The following RIPOR2 variants were observed in gnomAD, a reference collection of about 807,000 sequenced individuals.
The protein encoded by RIPOR2 is RHO family interacting cell polarization regulator 2.
In RIPOR2, 39 loss-of-function variants were observed where a neutral mutation model predicts 114.5. The ratio of observed to expected loss-of-function variants is 0.34; its 90% CI spans 0.26 to 0.44. RIPOR2 has a LOEUF of 0.44. Among genes scored for constraint, RIPOR2 ranks in the 20% least tolerant of loss-of-function variants. The probability of loss-of-function intolerance (pLI) is 1.00; values close to 1 mark genes in which losing one functional copy is unlikely to be tolerated. For missense variants in RIPOR2, 1,007 were observed against 1,255.1 expected, an observed-to-expected ratio of 0.80 and a Z score of 2.99; for synonymous variants, 445 against 484.4, an observed-to-expected ratio of 0.92 and a Z score of 1.07.
At chr6:25,028,634 T>C (rs1488480026) in intron 1 of RIPOR2, among the ~76,000 whole-genome samples, 2 of 152,240 alleles carry the variant, frequency 1.3e-5, no homozygotes, top group African/African-American at 4.8e-5. Flanking sequence ...ATGACAGATG[T>C]ACTGTCTTAC....
At chr6:24,828,961 AG>A (rs1198270041) in intron 17 of RIPOR2, among the ~76,000 whole-genome samples, 15 of 152,140 alleles carry the variant, frequency 9.9e-5, no homozygotes, top group Admixed American at 8.5e-4. Flanking sequence ...TACACAACAA[AG>A]TATCTGTGAG....
intron 1 of RIPOR2, among the ~76,000 whole-genome samples, chr6:25,034,030 T>G (rs1284101474): frequency 1.3e-5 from 2 of 151,908 alleles, no homozygotes; most frequent in African/African-American, 4.8e-5. Context: ...ACTTGTTTAT[T>G]TAATTTTATT....
intron 21 of RIPOR2, among the ~76,000 whole-genome samples, chr6:24,807,737 T>G (rs1243326714): frequency 1.3e-5 from 2 of 152,208 alleles, no homozygotes; most frequent in Non-Finnish European, 2.9e-5. Context: ...TGGAGGGATC[T>G]GTTGGACAGC....
At chr6:25,023,854 G>A (rs993692422) in intron 1 of RIPOR2, 2 of 730,448 alleles carry the variant, frequency 2.7e-6, no homozygotes, top group African/African-American at 1.7e-5. Flanking sequence ...GGCTTTGACC[G>A]GTTCCTAGGT....
At chr6:24,917,639 C>A (rs1270103200) in intron 1 of RIPOR2, among the ~76,000 whole-genome samples, 1 of 152,152 alleles carries the variant, frequency 6.6e-6, no homozygotes, top group African/African-American at 2.4e-5. Context: ...AAGTGATTCT[C>A]CTGCCTCAGC....
intron 1 of RIPOR2, among the ~76,000 whole-genome samples, chr6:25,027,397 A>G (rs1443994766): frequency 1.3e-5 from 2 of 152,218 alleles, no homozygotes; most frequent in African/African-American, 4.8e-5. Context: ...CTGCGAAAGA[A>G]AAGTCTACGA....
chr6:24,931,252 AG>A (rs1476386424), intron 1 of RIPOR2, among the ~76,000 whole-genome samples: 1 of 152,208 alleles, frequency 6.6e-6, no homozygotes, highest in Non-Finnish European at 1.5e-5. Context: ...CTACATGGAA[AG>A]ACAAAAAAAA....
At chr6:24,952,540 C>G (rs1350152654) in intron 1 of RIPOR2, among the ~76,000 whole-genome samples, 2 of 152,178 alleles carry the variant, frequency 1.3e-5, no homozygotes, top group East Asian at 3.8e-4. Context: ...CAGTAGCACA[C>G]CATTTCCACC....
chr6:24,840,727 T>C, intron 13 of RIPOR2: 1 of 1,535,458 alleles, frequency 6.5e-7, no homozygotes, highest in Non-Finnish European at 8.7e-7. Context: ...GTGATCTCCG[T>C]CCAAGAGGCA....
intron 1 of RIPOR2, among the ~76,000 whole-genome samples, chr6:24,960,385 C>A (rs554014486): frequency 4.1e-4 from 62 of 152,334 alleles, no homozygotes; most frequent in Non-Finnish European, 7.4e-4. Flanking sequence ...TAGGCTAATT[C>A]TCTCCAGCCC....
chr6:24,958,413 A>G (rs189187605), intron 1 of RIPOR2, among the ~76,000 whole-genome samples: 140 of 152,342 alleles, frequency 9.2e-4, no homozygotes, highest in African/African-American at 3.2e-3. Flanking sequence ...GGAAGTTAAA[A>G]TAAACCTCTC....
chr6:25,013,568 C>G (rs1449089998), intron 1 of RIPOR2, among the ~76,000 whole-genome samples: 1 of 152,202 alleles, frequency 6.6e-6, no homozygotes, highest in Non-Finnish European at 1.5e-5. Context: ...AGACACTGAA[C>G]ACCTGAATTT....
intron 1 of RIPOR2, among the ~76,000 whole-genome samples, chr6:24,990,137 T>C (rs2113614488): frequency 6.6e-6 from 1 of 152,316 alleles, no homozygotes; most frequent in East Asian, 1.9e-4. Flanking sequence ...TCACTTTCAG[T>C]TCCTGGACAT....
intron 1 of RIPOR2, among the ~76,000 whole-genome samples, chr6:24,906,391 G>A (rs1439199997): frequency 2.6e-5 from 4 of 152,100 alleles, no homozygotes; most frequent in Non-Finnish European, 5.9e-5. Context: ...TCTTAGAATA[G>A]GCACATGAAT....
intron 1 of RIPOR2, among the ~76,000 whole-genome samples, chr6:24,878,192 T>C (rs1765989262): frequency 6.6e-6 from 1 of 152,242 alleles, no homozygotes; most frequent in African/African-American, 2.4e-5. Flanking sequence ...GGGTTCACTA[T>C]ATTTAACAAT....
At chr6:25,009,236 C>A (rs1480393897) in intron 1 of RIPOR2, among the ~76,000 whole-genome samples, 1 of 152,230 alleles carries the variant, frequency 6.6e-6, no homozygotes, top group African/African-American at 2.4e-5. Context: ...AGACCTGCTT[C>A]TGTAAGCAGG....
intron 1 of RIPOR2, among the ~76,000 whole-genome samples, chr6:24,916,651 C>T (rs923067619): frequency 5.3e-5 from 8 of 152,176 alleles, no homozygotes; most frequent in African/African-American, 1.7e-4. Context: ...TCTTGCTCAC[C>T]GCTTTCTGAA....
intron 17 of RIPOR2, among the ~76,000 whole-genome samples, chr6:24,830,027 G>A (rs1439353087): frequency 6.6e-6 from 1 of 152,128 alleles, no homozygotes; most frequent in South Asian, 2.1e-4. Context: ...ATGCAGTGGC[G>A]TGATCTCAGC....
At chr6:24,861,341 A>C (rs1289491950) in intron 7 of RIPOR2, among the ~76,000 whole-genome samples, 1 of 152,234 alleles carries the variant, frequency 6.6e-6, no homozygotes, top group Non-Finnish European at 1.5e-5. Flanking sequence ...GCAGTATCAT[A>C]GGGGAAAAAA....
Sources: gnomAD v4.1 joint callset for allele counts (sites outside exome capture counted in the v4.1 genomes callset) on GRCh38, gnomAD v4.1.1 for gene constraint, MANE v1.5 for transcripts, NCBI Gene and HGNC (gene_info 2026-07-23, HGNC 2026-07-21) for gene names.